The following MICU3 variants were observed in gnomAD, a reference collection of about 807,000 sequenced individuals.
MICU3 encodes the protein calcium uptake protein 3, mitochondrial.
Under a neutral mutation model 66.5 loss-of-function variants are expected in MICU3, and 62 were observed. The ratio of observed to expected loss-of-function variants is 0.93; its 90% CI spans 0.76 to 1.15. The LOEUF is 1.15. Ranked by LOEUF, MICU3 falls within the 50% of genes most tolerant of loss-of-function variation. The pLI is 0.00. For synonymous variants in MICU3, 308 were observed against 240.7 expected, an observed-to-expected ratio of 1.28 and a Z score of -2.59; for missense variants, 779 against 664.4, an observed-to-expected ratio of 1.17 and a Z score of -1.90.
At chr8:17,080,777 C>T (rs906787596) in intron 4 of MICU3, among the ~76,000 whole-genome samples, 2 of 152,128 alleles carry the variant, frequency 1.3e-5, no homozygotes, top group African/African-American at 4.8e-5. Context: ...GACTCCTCTT[C>T]TCTTTGTTCT....
intron 1 of MICU3, among the ~76,000 whole-genome samples, chr8:17,038,513 G>T (rs914709567): frequency 2.0e-5 from 3 of 152,116 alleles, no homozygotes; most frequent in Non-Finnish European, 2.9e-5. Context: ...CCAGTCTCGG[G>T]TATGTATTTA....
intron 1 of MICU3, among the ~76,000 whole-genome samples, chr8:17,031,314 G>A (rs1028167316): frequency 7.5e-6 from 1 of 132,940 alleles, no homozygotes; most frequent in South Asian, 2.4e-4. Flanking sequence ...TTGAGACATA[G>A]CATCGCTCTA....
chr8:17,115,877 C>T (rs2150836057), intron 12 of MICU3, among the ~76,000 whole-genome samples: 1 of 152,294 alleles, frequency 6.6e-6, no homozygotes, highest in South Asian at 2.1e-4. Flanking sequence ...CCTCCCACCT[C>T]CCCGCCTGCC....
At chr8:17,064,940 T>C (rs941616505) in intron 2 of MICU3, among the ~76,000 whole-genome samples, 6 of 152,228 alleles carry the variant, frequency 3.9e-5, no homozygotes, top group South Asian at 2.1e-4. Flanking sequence ...TCTCTATAGA[T>C]GGTGGTAAAA....
intron 1 of MICU3, among the ~76,000 whole-genome samples, chr8:17,035,664 T>C (rs1043967608): frequency 2.0e-5 from 3 of 152,236 alleles, no homozygotes; most frequent in African/African-American, 7.2e-5. Context: ...GTGTTCAAGA[T>C]GTGACTTGGG....
At chr8:17,102,722 A>G (rs1801375350) in intron 9 of MICU3, 1 of 151,992 alleles carries the variant, frequency 6.6e-6, no homozygotes, top group East Asian at 1.9e-4. Flanking sequence ...AGATGCATTT[A>G]AAACATAGTA....
chr8:17,045,533 C>T (rs567753355), intron 1 of MICU3, among the ~76,000 whole-genome samples: 16 of 152,222 alleles, frequency 1.1e-4, no homozygotes, highest in South Asian at 4.1e-4. Context: ...AATGAAGTCC[C>T]GATAAAAAGA....
downstream of MICU3, among the ~76,000 whole-genome samples, chr8:17,123,872 TTTGA>T (rs1469118885): frequency 5.9e-5 from 9 of 151,874 alleles, no homozygotes; most frequent in Non-Finnish European, 1.3e-4. Flanking sequence ...TAGAATATAC[TTTGA>T]TTGCATAGAA....
chr8:17,125,301 T>A (rs984677913), downstream of MICU3, among the ~76,000 whole-genome samples: 4 of 152,156 alleles, frequency 2.6e-5, no homozygotes, highest in African/African-American at 9.7e-5. Context: ...TCTCCCATTC[T>A]TGTTTCATCT....
chr8:17,060,070 T>C (rs1817577760), intron 1 of MICU3, among the ~76,000 whole-genome samples: 2 of 152,336 alleles, frequency 1.3e-5, no homozygotes, highest in South Asian at 4.1e-4. Context: ...CAAAACATAT[T>C]CAAAAGATAT....
chr8:17,085,860 G>A (rs973575314), intron 6 of MICU3, among the ~76,000 whole-genome samples: 1 of 152,028 alleles, frequency 6.6e-6, no homozygotes, highest in African/African-American at 2.4e-5. Context: ...TCTGGCACTG[G>A]TCTGACAGTG....
the MICU3 span, among the ~76,000 whole-genome samples, chr8:17,135,511 A>G: frequency 6.6e-6 from 1 of 152,078 alleles, no homozygotes; most frequent in African/African-American, 2.4e-5. Flanking sequence ...GGTAGTACTG[A>G]AAGTTTTTCA....
chr8:17,109,356 T>C (rs531930545), intron 11 of MICU3, among the ~76,000 whole-genome samples: 8 of 152,284 alleles, frequency 5.3e-5, no homozygotes, highest in African/African-American at 1.9e-4. Flanking sequence ...TCACTCATGA[T>C]GAAATGGCAC....
chr8:17,106,379 A>G (rs1161242035), intron 11 of MICU3, among the ~76,000 whole-genome samples: 1 of 151,914 alleles, frequency 6.6e-6, no homozygotes, highest in East Asian at 1.9e-4. Flanking sequence ...GCATTTGGCA[A>G]TTAGTTTACG....
chr8:17,077,794 A>T lies in MICU3; in HGVS notation c.579A>T (p.Gln193His). The change falls in exon 4 of 15, where the codon CAA (glutamine) becomes CAT (histidine). Residue 193 changes from glutamine (Q) to histidine (H), a missense_variant. Gln to His is a conservative substitution (Grantham distance 24). Coordinates refer to ENST00000318063, the MANE Select transcript of MICU3 (RefSeq NM_181723.3). ...WKSLSKQELN[Q>H]MLAETPPVWK... The stretch of plus-strand genomic sequence containing the variant: ...AACTTCTGTCATAGGAATTAAATCA[A>T]ATGCTCGCAGAAACACCACCAGTTT... The T allele has an allele frequency of 1.2e-6, 2 of 1,610,848 alleles. No homozygotes were observed. The highest frequency in any genetic ancestry group is 1.7e-6 in the Non-Finnish European group (2 of 1,177,934).
At chr8:17,108,785 T>G (rs2150820964) in intron 11 of MICU3, among the ~76,000 whole-genome samples, 1 of 152,276 alleles carries the variant, frequency 6.6e-6, no homozygotes, top group East Asian at 1.9e-4. Flanking sequence ...ATTTCGATCA[T>G]ACCACAGTAA....
intron 2 of MICU3, among the ~76,000 whole-genome samples, 170 bp downstream of exon 2, chr8:17,064,407 ATCTCT>A (rs1170922540): frequency 2.0e-5 from 3 of 152,158 alleles, no homozygotes; most frequent in Non-Finnish European, 2.9e-5. Context: ...TCTTACTCAC[ATCTCT>A]TCTCTTTTCA....
At chr8:17,076,209 G>C (rs1045919031) in intron 3 of MICU3, among the ~76,000 whole-genome samples, 2 of 151,732 alleles carry the variant, frequency 1.3e-5, no homozygotes, top group African/African-American at 2.4e-5. Context: ...TTGTCTGTTT[G>C]TTTGTTTGTG....
At chr8:17,094,868 T>C (rs1208467799) in intron 8 of MICU3, among the ~76,000 whole-genome samples, 1 of 152,014 alleles carries the variant, frequency 6.6e-6, no homozygotes, top group Admixed American at 6.6e-5. Context: ...ATTAAAAAGA[T>C]ACTCATTCTT....
Sources: allele counts gnomAD v4.1 joint callset (sites outside exome capture counted in the v4.1 genomes callset), GRCh38; gene constraint gnomAD v4.1.1; transcripts MANE v1.5; gene names NCBI Gene and HGNC (gene_info 2026-07-23, HGNC 2026-07-21).